The following BPIFA3 variants were observed in gnomAD, a reference collection of about 807,000 sequenced individuals.
BPIFA3 encodes the protein BPI fold containing family A member 3, also known as BPI fold-containing family A member 3.
Under a neutral mutation model 29.7 loss-of-function variants are expected in BPIFA3, and 32 were observed. That is an observed-to-expected ratio of 1.08 (90% CI 0.81 to 1.45). The LOEUF is 1.45. BPIFA3 is among the 40% of genes most tolerant of loss of function. The probability of loss-of-function intolerance (pLI) is 0.00; values close to 1 mark genes in which losing one functional copy is unlikely to be tolerated. For missense variants in BPIFA3, 323 were observed against 311.3 expected (o/e 1.04, Z -0.28); for synonymous variants, 112 against 113.7 (o/e 0.98, Z 0.10).
At position 33,227,676 on chromosome 20, in the gene BPIFA3, G is replaced by A. The variant is rs534366467; in HGVS notation, c.*59G>A. On this transcript the variant is annotated 3_prime_UTR_variant, in exon 7 of 7. Coordinates refer to ENST00000375454, the MANE Select transcript of BPIFA3 (RefSeq NM_178466.5). ...CAACCTTAAGTCTCCCTTAGAGTGGGGCTTCTGCTACCCTAAAAACTTTAC... is the reference window on the plus strand; with the variant it reads ...CAACCTTAAGTCTCCCTTAGAGTGGAGCTTCTGCTACCCTAAAAACTTTAC... The A allele has an allele frequency of 6.9e-7, 1 of 1,445,232 alleles. No homozygotes were observed. Among genetic ancestry groups the A allele is most frequent in the Non-Finnish European group, 9.7e-7 (1 of 1,028,884 alleles). 89.5% of individuals were successfully genotyped at this position (1,445,232 alleles called of 1,614,324 possible).
At chr20:33,223,310 G>A (rs559655474) in intron 1 of BPIFA3, 6 of 154,734 alleles carry the variant, frequency 3.9e-5, no homozygotes, top group Admixed American at 3.8e-4. Context: ...GGAGGGTCTA[G>A]AGACAAAATA....
chr20:33,227,145 C>A (rs1985823430), intron 6 of BPIFA3, 152 bp downstream of exon 6: 4 of 680,508 alleles, frequency 5.9e-6, no homozygotes, highest in East Asian at 5.4e-5. Flanking sequence ...ATGATGACCA[C>A]ACTGTCCCCC....
chr20:33,222,263 C>A (rs1985547158), intron 1 of BPIFA3, among the ~76,000 whole-genome samples: 1 of 152,228 alleles, frequency 6.6e-6, no homozygotes, highest in African/African-American at 2.4e-5. Context: ...TGCTGGTTCC[C>A]ATTGTGGTAG....
At chr20:33,219,685 T>C (rs58841234) in intron 1 of BPIFA3, among the ~76,000 whole-genome samples, 2,305 of 152,366 alleles carry the variant, frequency 0.015, 63 homozygotes, top group African/African-American at 0.053. Context: ...GAACTCCCTA[T>C]GCTGTATCTG....
intron 4 of BPIFA3, 22 bp downstream of exon 4, chr20:33,225,269 C>T: frequency 6.2e-7 from 1 of 1,612,580 alleles, no homozygotes; most frequent in Non-Finnish European, 8.5e-7. Context: ...GCTGCCCCTC[C>T]CCAGAGCTGG....
rs1985628819 is a variant in BPIFA3 at position 33,223,667 on chromosome 20, T to TA, written c.128-143dup. ...AGCATAATTTCATAGATGAAGAAGG[T>TA]AGATCTCCATGGGGAGGTGGTGACA... On this transcript the variant is annotated intron_variant, in intron 1 of 6. Transcript: ENST00000375454. The TA allele has an allele frequency of 1.1e-5, 9 of 785,646 alleles. 1 individual carries two copies. The South Asian group carries it at 2.0e-4, about 17-fold the overall frequency. 48.7% of individuals were successfully genotyped at this position (785,646 alleles called of 1,614,324 possible). A position where few individuals can be genotyped will look rare whatever the true frequency, so the allele number is the denominator to read the frequency against.
rs1405984336 is a variant in BPIFA3, at chr20:33,225,253, A to T, written c.536+6A>T. On this transcript the variant is annotated splice_donor_region_variant and intron_variant, in intron 4 of 6. Coordinates refer to ENST00000375454, the MANE Select transcript of BPIFA3 (RefSeq NM_178466.5). ...CATGTGGCCATCCTCACTGAGTAAG[A>T]CCCCAGCTGCCCCTCCCCAGAGCTG... The T allele has an allele frequency of 1.3e-5, 21 of 1,612,730 alleles. No homozygotes were observed. Among genetic ancestry groups the T allele is most frequent in the Non-Finnish European group, 1.6e-5 (19 of 1,179,874 alleles).
intron 3 of BPIFA3, 31 bp from the exon 4 acceptor site, chr20:33,225,067 G>T: frequency 6.2e-7 from 1 of 1,601,328 alleles, no homozygotes; most frequent in Non-Finnish European, 8.6e-7. Context: ...TCCTCCCCTT[G>T]CCCTTCCTCC....
chr20:33,226,541 AG>A (rs778217401), intron 5 of BPIFA3, 51 bp downstream of exon 5: 10 of 1,220,672 alleles, frequency 8.2e-6, no homozygotes, highest in Non-Finnish European at 1.2e-5. Context: ...TCCGAGGGTT[AG>A]GGCATATATC....
chr20:33,219,783 A>G (rs1234475746), intron 1 of BPIFA3, among the ~76,000 whole-genome samples: 1 of 152,180 alleles, frequency 6.6e-6, no homozygotes, highest in Non-Finnish European at 1.5e-5. Context: ...TATTCTTCCA[A>G]ATGAATTTTA....
chr20:33,227,078 A>C (rs1046664706), intron 6 of BPIFA3, 85 bp downstream of exon 6: 6 of 1,182,612 alleles, frequency 5.1e-6, no homozygotes, highest in Non-Finnish European at 6.3e-6. Flanking sequence ...GCCCCCAGGG[A>C]GGCCTGCTAA....
chr20:33,225,278 G>A, intron 4 of BPIFA3, 31 bp downstream of exon 4: 2 of 1,611,924 alleles, frequency 1.2e-6, no homozygotes, highest in Non-Finnish European at 1.7e-6. Context: ...CCCCAGAGCT[G>A]GGCCTCCTTC....
At position 33,217,530 on chromosome 20, in the gene BPIFA3, A is replaced by C; in HGVS notation, c.-7A>C. The stretch of plus-strand genomic sequence containing the variant: ...GACACTCTTGACATCTGCAGGTCCC[A>C]GACCCTATGATGTGTCCACTCTGGA... On this transcript the variant is annotated 5_prime_UTR_variant, in exon 1 of 7. Coordinates refer to ENST00000375454, the MANE Select transcript of BPIFA3 (RefSeq NM_178466.5). The C allele has an allele frequency of 6.2e-7, 1 of 1,613,616 alleles. No individual in the cohort carries two copies. Among genetic ancestry groups the C allele is most frequent in the Non-Finnish European group, 8.5e-7 (1 of 1,179,796 alleles).
At chr20:33,226,301 A>G (rs980941542) in intron 4 of BPIFA3, 105 bp from the exon 5 acceptor site, 8 of 809,112 alleles carry the variant, frequency 9.9e-6, no homozygotes, top group Non-Finnish European at 1.6e-5. Context: ...CATGGGGCTG[A>G]GTGAGGACTA....
chr20:33,225,468 C>T, intron 4 of BPIFA3: 1 of 581,122 alleles, frequency 1.7e-6, no homozygotes, highest in Non-Finnish European at 3.0e-6. Context: ...ATCACAAGTT[C>T]CCATCAATGA....
At chr20:33,224,574 A>T in intron 3 of BPIFA3, 112 bp downstream of exon 3, 4 of 911,726 alleles carry the variant, frequency 4.4e-6, no homozygotes, top group Non-Finnish European at 7.0e-6. Flanking sequence ...TTCCAAAGCC[A>T]CTTGCTGTGT....
intron 2 of BPIFA3, 101 bp from the exon 3 acceptor site, chr20:33,224,254 C>T: frequency 1.0e-6 from 1 of 1,000,034 alleles, no homozygotes; most frequent in Non-Finnish European, 1.5e-6. Flanking sequence ...ATCCCATTGC[C>T]AGGCCCTCTT....
At chr20:33,222,713 T>A (rs571696771) in intron 1 of BPIFA3, among the ~76,000 whole-genome samples, 1 of 151,872 alleles carries the variant, frequency 6.6e-6, no homozygotes, top group Admixed American at 6.6e-5. Flanking sequence ...GATGGATGGA[T>A]AGATGAATAT....
At chr20:33,223,790 G>A (rs1244861777) in intron 1 of BPIFA3, 21 bp from the exon 2 acceptor site, 1 of 1,604,922 alleles carries the variant, frequency 6.2e-7, no homozygotes. Context: ...TGCAAAGTCA[G>A]TGGTCCTTGT....
Sources: gnomAD v4.1 joint callset for allele counts (sites outside exome capture counted in the v4.1 genomes callset) on GRCh38, gnomAD v4.1.1 for gene constraint, MANE v1.5 for transcripts, NCBI Gene and HGNC (gene_info 2026-07-23, HGNC 2026-07-21) for gene names.